Variants in PTAR1 observed in about 807,000 individuals in gnomAD.
The protein encoded by PTAR1 is protein prenyltransferase alpha subunit repeat containing 1.
In PTAR1, 17 loss-of-function variants were observed where a neutral mutation model predicts 45.5. The observed-to-expected ratio is 0.37, with a 90% CI of 0.26 to 0.56. PTAR1 has a LOEUF of 0.56. Among genes scored for constraint, PTAR1 ranks in the 20% least tolerant of loss-of-function variants. PTAR1 has a pLI of 0.77. For missense variants in PTAR1, 391 were observed against 476.3 expected (o/e 0.82, Z 1.67); for synonymous variants, 169 against 171.3 (o/e 0.99, Z 0.11).
At chr9:69,734,298 T>A in intron 3 of PTAR1, 44 bp from the exon 4 acceptor site, 3 of 891,526 alleles carry the variant, frequency 3.4e-6, no homozygotes, top group Non-Finnish European at 5.0e-6. Context: ...AAACATTACT[T>A]TATCCTTATA....
chr9:69,725,178 C>T (rs1446180103), intron 5 of PTAR1, among the ~76,000 whole-genome samples: 2 of 152,064 alleles, frequency 1.3e-5, no homozygotes, highest in Non-Finnish European at 2.9e-5. Flanking sequence ...AAGAGTACTC[C>T]ACTTATTTAA....
chr9:69,754,580 G>A (rs1018626638), intron 1 of PTAR1, among the ~76,000 whole-genome samples: 7 of 118,486 alleles, frequency 5.9e-5, no homozygotes, highest in South Asian at 5.2e-4. Context: ...TTGCTCTGTC[G>A]TCCAGGCTGG....
chr9:69,759,786 T>TGGATGCTTG, intron 1 of PTAR1, 67 bp downstream of exon 1: 1 of 1,445,230 alleles, frequency 6.9e-7, no homozygotes, highest in Non-Finnish European at 9.2e-7. Flanking sequence ...CGAGGTCGGG[T>TGGATGCTTG]GGACGCTTGG....
chr9:69,759,716 A>G (rs1219611669), intron 1 of PTAR1, 137 bp downstream of exon 1: 1 of 803,754 alleles, frequency 1.2e-6, no homozygotes, highest in Admixed American at 4.4e-5. Flanking sequence ...CCCGCCCGAC[A>G]CGGCTCTGCC....
chr9:69,748,228 G>C (rs1826364556), intron 2 of PTAR1, among the ~76,000 whole-genome samples: 1 of 151,998 alleles, frequency 6.6e-6, no homozygotes, highest in Non-Finnish European at 1.5e-5. Flanking sequence ...AGAGAGAGGA[G>C]CAAGAAAAGA....
chr9:69,742,509 T>C (rs1826086246), intron 2 of PTAR1, among the ~76,000 whole-genome samples: 1 of 152,140 alleles, frequency 6.6e-6, no homozygotes. Flanking sequence ...CCTGTTTGTT[T>C]TTAACGTTAT....
chr9:69,750,407 C>T (rs1450133090), intron 2 of PTAR1, among the ~76,000 whole-genome samples: 1 of 151,898 alleles, frequency 6.6e-6, no homozygotes, highest in Non-Finnish European at 1.5e-5. Context: ...TATAAAAATA[C>T]TAAAGGATTA....
In PTAR1 at chr9:69,732,124, C is replaced by T. The variant is rs1825566122; in HGVS notation, c.642+15G>A. 3 of 1,589,004 alleles carry T rather than the reference C, an allele frequency of 1.9e-6. No homozygotes were observed. The highest frequency in any genetic ancestry group is 1.7e-6 in the Non-Finnish European group (2 of 1,159,132). ...GCAGACAGGCAGTCTGCCCAGGAGA[C>T]AGTAATATTCCTACCTTGACATCTA... On this transcript the variant is annotated intron_variant, in intron 5 of 7. Transcript: ENST00000340434.
chr9:69,727,537 T>C (rs1329617859), intron 5 of PTAR1, among the ~76,000 whole-genome samples: 1 of 151,886 alleles, frequency 6.6e-6, no homozygotes, highest in Non-Finnish European at 1.5e-5. Context: ...CCTAACTTTC[T>C]ATTTTCTAAA....
chr9:69,744,651 GC>G (rs1826193503), intron 2 of PTAR1, among the ~76,000 whole-genome samples: 1 of 152,124 alleles, frequency 6.6e-6, no homozygotes, highest in African/African-American at 2.4e-5. Flanking sequence ...CTCCCAAAGT[GC>G]TGGCATTACA....
intron 1 of PTAR1, among the ~76,000 whole-genome samples, chr9:69,751,764 A>T (rs926273510): frequency 2.6e-5 from 4 of 152,076 alleles, no homozygotes; most frequent in Non-Finnish European, 5.9e-5. Context: ...TTCCTGAATT[A>T]AAAAACCACC....
At position 69,732,340 on chromosome 9, in the gene PTAR1, T is replaced by C. The variant is rs751789439; in HGVS notation, c.441A>G (p.Leu147=). 8 of 1,613,174 alleles carry C rather than the reference T, an allele frequency of 5.0e-6. No homozygotes were observed. The East Asian group carries it at 6.7e-5, about 13-fold the overall frequency. The part of the protein sequence containing the change: ...PETWIHRRWV[L]QQLIQETSLP... ...AGGAGGTTTCCTGAATTAGCTGTTGTAGCACCCATCGCCTGTTAAGGCAGC... is the reference window on the plus strand; with the variant it reads ...AGGAGGTTTCCTGAATTAGCTGTTGCAGCACCCATCGCCTGTTAAGGCAGC... Residue 147 remains leucine, a synonymous_variant, in exon 5 of 8, where the codon CTA becomes CTG. Transcript: ENST00000340434.
At chr9:69,758,557 G>A (rs1300923687) in intron 1 of PTAR1, 1 of 212,566 alleles carries the variant, frequency 4.7e-6, no homozygotes, top group African/African-American at 2.3e-5. Context: ...GTCATAAGGG[G>A]GAGGGAAGTG....
intron 5 of PTAR1, among the ~76,000 whole-genome samples, chr9:69,730,774 G>C (rs931250824): frequency 6.6e-6 from 1 of 151,654 alleles, no homozygotes; most frequent in African/African-American, 2.4e-5. Context: ...GGTATGATAG[G>C]GTTTTATACT....
At chr9:69,734,646 A>G (rs1564136192) in intron 3 of PTAR1, among the ~76,000 whole-genome samples, 1 of 152,158 alleles carries the variant, frequency 6.6e-6, no homozygotes, top group Non-Finnish European at 1.5e-5. Flanking sequence ...AAATTGGTCT[A>G]GTTTCCTAAA....
At chr9:69,722,803 G>C (rs1375008831) in intron 6 of PTAR1, among the ~76,000 whole-genome samples, 1 of 151,720 alleles carries the variant, frequency 6.6e-6, no homozygotes, top group Non-Finnish European at 1.5e-5. Flanking sequence ...GCCCGGTGTG[G>C]TGGTGGGTGC....
chr9:69,713,814 A>G lies in PTAR1; in HGVS notation c.*4528T>C, dbSNP rs1824616851. On this transcript the variant is annotated 3_prime_UTR_variant, in exon 8 of 8. Transcript: ENST00000340434. ...TCTTGGTAGGGTGCTTAAAATGATAACTAATGGAATAATCAAAGCATCCTG... is the reference window on the plus strand; with the variant it reads ...TCTTGGTAGGGTGCTTAAAATGATAGCTAATGGAATAATCAAAGCATCCTG... The G allele has an allele frequency of 6.6e-6, 1 of 152,118 alleles. No individual in the cohort carries two copies. The highest frequency in any genetic ancestry group is 3.2e-3 in the Middle Eastern group (1 of 316). 9.4% of individuals were successfully genotyped at this position (152,118 alleles called of 1,614,324 possible). A position where few individuals can be genotyped will look rare whatever the true frequency, so the allele number is the denominator to read the frequency against.
At chr9:69,745,448 T>C (rs772308735) in intron 2 of PTAR1, among the ~76,000 whole-genome samples, 10 of 152,226 alleles carry the variant, frequency 6.6e-5, no homozygotes, top group Non-Finnish European at 1.2e-4. Context: ...TATTTGTTTG[T>C]ACTTCTAACA....
rs1046428719 is a variant in PTAR1, at chr9:69,711,728, T to G, written c.*6614A>C. 1 of 152,180 alleles carries G rather than the reference T, an allele frequency of 6.6e-6. No individual in the cohort carries two copies. Among genetic ancestry groups the G allele is most frequent in the Non-Finnish European group, 1.5e-5 (1 of 68,016 alleles). 9.4% of individuals were successfully genotyped at this position (152,180 alleles called of 1,614,324 possible). A position where few individuals can be genotyped will look rare whatever the true frequency, so the allele number is the denominator to read the frequency against. ...CCTTGCACAAGAAAATACTACTTAA[T>G]CTTTCACATCTCCTATCTTTCAACT... On this transcript the variant is annotated 3_prime_UTR_variant, in exon 8 of 8. Transcript: ENST00000340434.
Sources: gnomAD v4.1 joint callset for allele counts (sites outside exome capture counted in the v4.1 genomes callset) on GRCh38, gnomAD v4.1.1 for gene constraint, MANE v1.5 for transcripts, NCBI Gene and HGNC (gene_info 2026-07-23, HGNC 2026-07-21) for gene names.